NDST4: variants seen among roughly 807,000 people sequenced by gnomAD.
NDST4 encodes the protein N-heparan sulfate sulfotransferase 4.
A neutral mutation model predicts 100.8 loss-of-function variants in NDST4; 63 were observed. That is an observed-to-expected ratio of 0.62 (90% CI 0.51 to 0.77). NDST4 has a LOEUF of 0.77. Ranked by LOEUF, NDST4 falls within the 30% of genes least tolerant of loss-of-function variation. The probability of loss-of-function intolerance (pLI) is 0.00; values close to 1 mark genes in which losing one functional copy is unlikely to be tolerated. For missense variants in NDST4, 943 were observed against 1,018.4 expected (o/e 0.93, Z 1.01); for synonymous variants, 377 against 361.8 (o/e 1.04, Z -0.48).
chr4:115,071,740 G>GA (rs887346464), intron 2 of NDST4, among the ~76,000 whole-genome samples: 34 of 144,906 alleles, frequency 2.3e-4, no homozygotes, highest in South Asian at 4.4e-4. Flanking sequence ...TGTACTACCA[G>GA]AAAAAAAAAA....
intron 6 of NDST4, among the ~76,000 whole-genome samples, chr4:114,896,496 C>T (rs1724716306): frequency 6.6e-6 from 1 of 151,718 alleles, no homozygotes; most frequent in Admixed American, 6.6e-5. Flanking sequence ...TGGTGTCGGC[C>T]GCCTGTAGTC....
rs1222034614 is a variant in NDST4 at position 114,852,662 on chromosome 4, T to C, written c.1816+63A>G. On this transcript the variant is annotated intron_variant, in intron 8 of 13. Coordinates refer to ENST00000264363, the MANE Select transcript of NDST4 (RefSeq NM_022569.3). ...AAAAATCTAATCTGATAAATCCATA[T>C]ACCAATGTATTTCATAAAATATTTT... 4 of 865,608 alleles carry C rather than the reference T, an allele frequency of 4.6e-6. No individual in the cohort carries two copies. In the African/African-American group the frequency reaches 5.2e-5, roughly 11 times the overall value. 53.6% of individuals were successfully genotyped at this position (865,608 alleles called of 1,614,324 possible).
chr4:115,000,520 C>T (rs919994966), intron 2 of NDST4, among the ~76,000 whole-genome samples: 1 of 151,986 alleles, frequency 6.6e-6, no homozygotes, highest in African/African-American at 2.4e-5. Flanking sequence ...AAAGGATTGT[C>T]AGTAATTTAA....
At chr4:114,900,198 AC>A (rs1166407606) in intron 6 of NDST4, among the ~76,000 whole-genome samples, 1 of 151,820 alleles carries the variant, frequency 6.6e-6, no homozygotes, top group Non-Finnish European at 1.5e-5. Flanking sequence ...AATTTCTGAT[AC>A]TAGCCATTTG....
intron 2 of NDST4, among the ~76,000 whole-genome samples, chr4:115,016,043 C>T (rs1255069500): frequency 6.6e-6 from 1 of 152,000 alleles, no homozygotes; most frequent in Non-Finnish European, 1.5e-5. Context: ...GCCAAAACTA[C>T]CATCCGTGAA....
At chr4:114,834,591 C>T (rs1723272096) in intron 11 of NDST4, among the ~76,000 whole-genome samples, 1 of 151,560 alleles carries the variant, frequency 6.6e-6, no homozygotes, top group Non-Finnish European at 1.5e-5. Flanking sequence ...TCAATTTGCC[C>T]TGAGCTGGAA....
intron 2 of NDST4, among the ~76,000 whole-genome samples, chr4:115,061,237 C>A (rs1371618454): frequency 6.6e-6 from 1 of 151,982 alleles, no homozygotes; most frequent in Non-Finnish European, 1.5e-5. Context: ...GATCTAGAAC[C>A]AGAAATACCA....
intron 6 of NDST4, among the ~76,000 whole-genome samples, chr4:114,907,633 G>C (rs753077130): frequency 2.0e-5 from 3 of 152,058 alleles, no homozygotes; most frequent in Non-Finnish European, 4.4e-5. Flanking sequence ...TAAGCTAACA[G>C]GTGTTTTCCA....
At chr4:114,891,903 CA>C (rs1367041699) in intron 6 of NDST4, among the ~76,000 whole-genome samples, 1 of 152,132 alleles carries the variant, frequency 6.6e-6, no homozygotes, top group East Asian at 1.9e-4. Context: ...ACACCTTACA[CA>C]TGCTCTTGTC....
chr4:114,919,040 G>T lies in NDST4; in HGVS notation c.1536+16166C>A, dbSNP rs191483406. Among the ~76,000 whole-genome samples the T allele has an allele frequency of 2.6e-5, 4 of 152,156 alleles. No individual in the cohort carries two copies. In the East Asian group the frequency reaches 7.7e-4, roughly 29 times the overall value. ...AAAAATTGTAAAGTTATCTGTGTAT[G>T]CCAAAACAAACAATGATCAATACAG... is the stretch of plus-strand genomic sequence containing the variant. On this transcript the variant is annotated intron_variant, in intron 6 of 13. Transcript: ENST00000264363.
chr4:114,967,627 T>G (rs2126239438), intron 4 of NDST4, among the ~76,000 whole-genome samples: 2 of 152,244 alleles, frequency 1.3e-5, no homozygotes, highest in East Asian at 3.9e-4. Flanking sequence ...ATTTTCAAGG[T>G]AAGTGTCCTG....
intron 6 of NDST4, among the ~76,000 whole-genome samples, chr4:114,882,550 G>GTAAA (rs1318840463): frequency 2.0e-5 from 3 of 151,824 alleles, no homozygotes; most frequent in African/African-American, 7.3e-5. Context: ...TTGAAGAGAG[G>GTAAA]TAAAGAGAAA....
At chr4:115,011,513 G>A (rs770383729) in intron 2 of NDST4, among the ~76,000 whole-genome samples, 2 of 151,302 alleles carry the variant, frequency 1.3e-5, no homozygotes, top group African/African-American at 4.9e-5. Flanking sequence ...AAAATGGTTG[G>A]TAGCTTTATG....
chr4:114,855,592 G>A (rs1723776148), intron 7 of NDST4, among the ~76,000 whole-genome samples: 1 of 151,862 alleles, frequency 6.6e-6, no homozygotes, highest in Non-Finnish European at 1.5e-5. Flanking sequence ...GTAGAGGTAT[G>A]GGTTTATTTC....
At chr4:115,089,260 A>C (rs486441) in intron 1 of NDST4, among the ~76,000 whole-genome samples, 109,412 of 151,722 alleles carry the variant, frequency 0.72, 40,355 homozygotes, top group African/African-American at 0.87. Flanking sequence ...CCATGTATAC[A>C]CTCATCAGGG....
At chr4:115,007,181 C>A (rs529362179) in intron 2 of NDST4, among the ~76,000 whole-genome samples, 32 of 152,268 alleles carry the variant, frequency 2.1e-4, no homozygotes, top group African/African-American at 7.7e-4. Flanking sequence ...TAATTTAACT[C>A]TCACTACCAT....
chr4:114,992,881 G>T (rs1727072366), intron 2 of NDST4, among the ~76,000 whole-genome samples: 1 of 151,522 alleles, frequency 6.6e-6, no homozygotes, highest in South Asian at 2.1e-4. Context: ...CTAGCTCCTG[G>T]GTATAGGTGG....
chr4:115,084,884 C>G (rs942813082), intron 1 of NDST4, among the ~76,000 whole-genome samples: 2 of 152,092 alleles, frequency 1.3e-5, no homozygotes, highest in Non-Finnish European at 2.9e-5. Context: ...GCCACCCCCC[C>G]CACAGTCCCT....
chr4:114,973,589 G>C (rs1726563986), intron 3 of NDST4, among the ~76,000 whole-genome samples: 1 of 151,676 alleles, frequency 6.6e-6, no homozygotes, highest in Non-Finnish European at 1.5e-5. Context: ...TAATTCAGAA[G>C]TAAAATACAT....
Sources: gnomAD v4.1 joint callset for allele counts (sites outside exome capture counted in the v4.1 genomes callset) on GRCh38, gnomAD v4.1.1 for gene constraint, MANE v1.5 for transcripts, NCBI Gene and HGNC (gene_info 2026-07-23, HGNC 2026-07-21) for gene names.